The following GPR180 variants were observed in gnomAD, a reference collection of about 807,000 sequenced individuals.
GPR180 encodes the protein integral membrane protein GPR180.
GPR180 carries 53 observed loss-of-function variants against 52.6 expected under a neutral mutation model. The observed-to-expected ratio is 1.01, with a 90% CI of 0.81 to 1.27. GPR180 has a LOEUF of 1.27. GPR180 is among the 50% of genes most tolerant of loss of function. The probability of loss-of-function intolerance (pLI) is 0.00; values close to 1 mark genes in which losing one functional copy is unlikely to be tolerated. For synonymous variants in GPR180, 200 were observed against 193.1 expected (o/e 1.04, Z -0.30); for missense variants, 533 against 527.0 (o/e 1.01, Z -0.11).
chr13:94,621,019 A>T, intron 5 of GPR180, 59 bp from the exon 6 acceptor site: 1 of 1,471,808 alleles, frequency 6.8e-7, no homozygotes, highest in Non-Finnish European at 9.1e-7. Flanking sequence ...CAATGCAAAA[A>T]GCACTAAATT....
rs1889876466 is a variant in GPR180, at chr13:94,623,268, C to G, written c.1054C>G (p.Leu352Val). The change falls in exon 7 of 9, where the codon CTC (leucine) becomes GTC (valine). Residue 352 changes from leucine (L) to valine (V), a missense_variant. Transcript: ENST00000376958. ...GATCATCACAGTGGAGAGAAGTACA[C>G]TCAAAAGGGAGTTCTACATCACATT... ...YQIITVERST[L>V]KREFYITFAK... The G allele has an allele frequency of 6.2e-7, 1 of 1,613,180 alleles. No individual in the cohort carries two copies. Among genetic ancestry groups the G allele is most frequent in the Admixed American group, 1.7e-5 (1 of 59,794 alleles).
At chr13:94,621,907 G>A (rs1157400944) in intron 6 of GPR180, among the ~76,000 whole-genome samples, 1 of 152,038 alleles carries the variant, frequency 6.6e-6, no homozygotes, top group African/African-American at 2.4e-5. Flanking sequence ...AAAAAAATTT[G>A]TACTGAGTTT....
intron 5 of GPR180, 88 bp downstream of exon 5, chr13:94,619,605 T>A: frequency 1.8e-6 from 2 of 1,123,290 alleles, no homozygotes; most frequent in Non-Finnish European, 2.6e-6. Flanking sequence ...AAATTTTCTG[T>A]CGAAAATTGT....
intron 2 of GPR180, among the ~76,000 whole-genome samples, chr13:94,605,781 A>G (rs1037778013): frequency 6.6e-6 from 1 of 151,932 alleles, no homozygotes; most frequent in Admixed American, 6.6e-5. Context: ...TCTTTCATTG[A>G]CTCTTTACAG....
In GPR180 at chr13:94,629,102, G is replaced by GTAGT. The variant is rs1260165161; in HGVS notation, c.*1933_*1936dup. 1 of 152,102 alleles carries GTAGT rather than the reference G, an allele frequency of 6.6e-6. No individual in the cohort carries two copies. Among genetic ancestry groups the GTAGT allele is most frequent in the Non-Finnish European group, 1.5e-5 (1 of 67,972 alleles). 9.4% of individuals were successfully genotyped at this position (152,102 alleles called of 1,614,324 possible). ...AAGAGCTGTTGTTAAGTGGAGGAAA[G>GTAGT]TAGTTGTTAATAAATGTATAAAACT... is the stretch of plus-strand genomic sequence containing the variant. On this transcript the variant is annotated 3_prime_UTR_variant, in exon 9 of 9. Coordinates refer to ENST00000376958, the MANE Select transcript of GPR180 (RefSeq NM_180989.6).
chr13:94,625,419 T>C (rs1249364061), intron 7 of GPR180, among the ~76,000 whole-genome samples: 1 of 152,232 alleles, frequency 6.6e-6, no homozygotes, highest in African/African-American at 2.4e-5. Context: ...TAACTTATTT[T>C]TTATTTCAAA....
chr13:94,606,986 T>A (rs1453898671), intron 2 of GPR180, among the ~76,000 whole-genome samples: 1 of 152,356 alleles, frequency 6.6e-6, no homozygotes, highest in Non-Finnish European at 1.5e-5. Context: ...TAAAAGGTCA[T>A]GTCCTTCAGT....
rs186028059 is a variant in GPR180, at chr13:94,618,297, A to T, written c.506-853A>T. On this transcript the variant is annotated intron_variant, in intron 3 of 8. Transcript: ENST00000376958. ...TTATAGTTTGATCTACTAAGAGAAG[A>T]TGATTAGCCTAACTTAGCTTTCAGA... Among the ~76,000 whole-genome samples the T allele has an allele frequency of 1.4e-3, 213 of 152,196 alleles. 1 individual carries two copies. Among genetic ancestry groups the T allele is most frequent in the Non-Finnish European group, 2.0e-3 (135 of 68,014 alleles).
chr13:94,623,557 G>A (rs753959021), intron 7 of GPR180, among the ~76,000 whole-genome samples: 1 of 151,888 alleles, frequency 6.6e-6, no homozygotes, highest in Non-Finnish European at 1.5e-5. Context: ...GCGAGCACCT[G>A]TTGTCTCAGC....
At position 94,630,063 on chromosome 13, in the gene GPR180, T is replaced by C. The variant is rs1373421763; in HGVS notation, c.*2892T>C. On this transcript the variant is annotated 3_prime_UTR_variant, in exon 9 of 9. Transcript: ENST00000376958. Reference sequence around the variant, plus strand: ...TTGTTTGTTTTGAGAATTGATATGATTGTTAGAAGTAGCCAGATACGAAGA... The same window carrying C: ...TTGTTTGTTTTGAGAATTGATATGACTGTTAGAAGTAGCCAGATACGAAGA... 1 of 152,246 alleles carries C rather than the reference T, an allele frequency of 6.6e-6. No individual in the cohort carries two copies. Among genetic ancestry groups the C allele is most frequent in the South Asian group, 2.1e-4 (1 of 4,828 alleles). 9.4% of individuals were successfully genotyped at this position (152,246 alleles called of 1,614,324 possible).
rs1324310563 is a variant in GPR180 at position 94,602,085 on chromosome 13, G to C, written c.145+13G>C. On this transcript the variant is annotated intron_variant, in intron 1 of 8. Transcript: ENST00000376958. Reference sequence around the variant, plus strand: ...TTCGAGTTCCATGGTAGGTCTGGGGGCGGGGAGGGGGATGAAGGCGCGCTG... The same window carrying C: ...TTCGAGTTCCATGGTAGGTCTGGGGCCGGGGAGGGGGATGAAGGCGCGCTG... 1 of 1,336,836 alleles carries C rather than the reference G, an allele frequency of 7.5e-7. No individual in the cohort carries two copies. The highest frequency in any genetic ancestry group is 2.9e-5 in the East Asian group (1 of 34,132). The allele number at this position is 1,336,836 out of a possible 1,614,324, so 82.8% of individuals were successfully genotyped here.
In GPR180 at chr13:94,618,420, A is replaced by ATTTTTTTTTTT. The variant is rs570807308; in HGVS notation, c.506-717_506-707dup. Among the ~76,000 whole-genome samples, 363 of 87,108 alleles carry ATTTTTTTTTTT rather than the reference A, an allele frequency of 4.2e-3. 79 individuals are homozygous for ATTTTTTTTTTT. The highest frequency in any genetic ancestry group is 0.02 in the African/African-American group (315 of 15,810). 57.1% of individuals were successfully genotyped at this position (87,108 alleles called of 152,430 possible). On this transcript the variant is annotated intron_variant, in intron 3 of 8. Transcript: ENST00000376958. ...CATGGAGTCGCATGATCAGCACAGG[A>ATTTTTTTTTTT]TTTTTTTTTTTTTTTTTTTTTTTGG...
intron 2 of GPR180, among the ~76,000 whole-genome samples, chr13:94,609,109 A>G (rs1889670388): frequency 6.6e-6 from 1 of 152,160 alleles, no homozygotes; most frequent in East Asian, 1.9e-4. Flanking sequence ...TATATAAAAC[A>G]TTTCAGTGTT....
At chr13:94,603,951 G>C (rs1230234341) in intron 1 of GPR180, among the ~76,000 whole-genome samples, 3 of 151,980 alleles carry the variant, frequency 2.0e-5, no homozygotes, top group Non-Finnish European at 4.4e-5. Flanking sequence ...TTTTTAAAAA[G>C]GAAGCCAGAC....
chr13:94,625,052 G>C (rs1433754385), intron 7 of GPR180, among the ~76,000 whole-genome samples: 1 of 152,132 alleles, frequency 6.6e-6, no homozygotes, highest in African/African-American at 2.4e-5. Flanking sequence ...GACCTCAGGT[G>C]ATCCGCCCGC....
At chr13:94,621,002 A>T in intron 5 of GPR180, 76 bp from the exon 6 acceptor site, 21 of 1,223,762 alleles carry the variant, frequency 1.7e-5, no homozygotes, top group South Asian at 3.1e-5. Context: ...AAAAAAAAAG[A>T]TGTTCTCAAT....
rs776176280 is a variant in GPR180 at position 94,621,251 on chromosome 13, C to CA, written c.894+17dup. 1 of 1,551,520 alleles carries CA rather than the reference C, an allele frequency of 6.4e-7. No individual in the cohort carries two copies. The highest frequency in any genetic ancestry group is 2.1e-5 in the Admixed American group (1 of 47,038). On this transcript the variant is annotated intron_variant, in intron 6 of 8. Coordinates refer to ENST00000376958, the MANE Select transcript of GPR180 (RefSeq NM_180989.6). ...CATGACACAGGTGGGTATTGATACT[C>CA]AGTGTTTCTGCTTAGTAATCCTCAG... is the stretch of plus-strand genomic sequence containing the variant.
chr13:94,613,157 G>T (rs1889733326), intron 3 of GPR180, among the ~76,000 whole-genome samples: 1 of 152,158 alleles, frequency 6.6e-6, no homozygotes, highest in Non-Finnish European at 1.5e-5. Context: ...AGCATTAAGG[G>T]TTTACCTCTT....
At position 94,607,670 on chromosome 13, in the gene GPR180, G is replaced by A. The variant is rs187010556; in HGVS notation, c.304+2121G>A. Among the ~76,000 whole-genome samples, 109 of 151,852 alleles carry A rather than the reference G, an allele frequency of 7.2e-4. 1 individual carries two copies. The highest frequency in any genetic ancestry group is 5.2e-3 in the South Asian group (25 of 4,822). ...GGCTCTTCTGGTGTGTTCATTCACT[G>A]AGCGCTTCCACTGTTTCATGTACTG... On this transcript the variant is annotated intron_variant, in intron 2 of 8. Transcript: ENST00000376958.
Sources: gnomAD v4.1 joint callset for allele counts (sites outside exome capture counted in the v4.1 genomes callset) on GRCh38, gnomAD v4.1.1 for gene constraint, MANE v1.5 for transcripts, NCBI Gene and HGNC (gene_info 2026-07-23, HGNC 2026-07-21) for gene names.